ZNF385D: variants seen among roughly 807,000 people sequenced by gnomAD.
ZNF385D encodes zinc finger protein 659.
ZNF385D carries 15 observed loss-of-function variants against 35.8 expected under a neutral mutation model. That is an observed-to-expected ratio of 0.42 (90% CI 0.28 to 0.64). ZNF385D has a LOEUF of 0.64. Ranked by LOEUF, ZNF385D falls within the 30% of genes least tolerant of loss-of-function variation. ZNF385D has a pLI of 0.23. For synonymous variants in ZNF385D, 212 were observed against 186.8 expected (o/e 1.13, Z -1.10); for missense variants, 474 against 494.6 (o/e 0.96, Z 0.39).
intron 1 of ZNF385D, among the ~76,000 whole-genome samples, chr3:21,721,283 G>A (rs1389838444): frequency 1.3e-5 from 2 of 151,914 alleles, no homozygotes; most frequent in African/African-American, 4.8e-5. Context: ...CAGGTAGAAC[G>A]CTGAAGCAGA....
chr3:21,618,708 A>T (rs2064918224), intron 2 of ZNF385D, among the ~76,000 whole-genome samples: 2 of 152,192 alleles, frequency 1.3e-5, no homozygotes, highest in Non-Finnish European at 2.9e-5. Flanking sequence ...GAGTATGTTA[A>T]ATAAGGAAAA....
intron 2 of ZNF385D, among the ~76,000 whole-genome samples, chr3:21,654,934 G>A (rs566734548): frequency 1.3e-5 from 2 of 152,112 alleles, no homozygotes; most frequent in East Asian, 3.9e-4. Flanking sequence ...ATTTACGTTG[G>A]TGGGAGGGAG....
chr3:21,561,189 TATGAAAA>T (rs2062933372), intron 3 of ZNF385D, among the ~76,000 whole-genome samples: 1 of 151,990 alleles, frequency 6.6e-6, no homozygotes, highest in South Asian at 2.1e-4. Flanking sequence ...GCCACTGGGG[TATGAAAA>T]AGAAAACTCC....
chr3:21,939,431 T>C (rs1291242956), intron 3 of ZNF385D, among the ~76,000 whole-genome samples: 1 of 152,086 alleles, frequency 6.6e-6, no homozygotes, highest in Non-Finnish European at 1.5e-5. Flanking sequence ...CTTTTTACCA[T>C]AGAACTCAGA....
rs1312130424 is a variant in ZNF385D, at chr3:21,423,981, C to T, written c.936G>A (p.Lys312=). The T allele has an allele frequency of 6.2e-7, 1 of 1,608,958 alleles. No individual in the cohort carries two copies. Among genetic ancestry groups the T allele is most frequent in the Non-Finnish European group, 8.5e-7 (1 of 1,178,454 alleles). ...CACTCACCCCCAGTGGATGTGCTGTCTTCTGTAGTTTGTTGTAAGGACTGT... is the reference window on the plus strand; with the variant it reads ...CACTCACCCCCAGTGGATGTGCTGTTTTCTGTAGTTTGTTGTAAGGACTGT... ...PKYSPYNKLQ[K]TAHPLGVKLV... Residue 312 remains lysine, a synonymous_variant, in exon 7 of 8, where the codon AAG becomes AAA. Transcript: ENST00000281523.
rs570186030 is a variant in ZNF385D, at chr3:21,948,287, T to C, written c.325+220530A>G. ...ACAAAGCATTCCAATATTGGCTCTA[T>C]GACATAAAATGTAAAAAGCAAATTA... On this transcript the variant is annotated intron_variant, in intron 3 of 5. Transcript: ENST00000494108. Among the ~76,000 whole-genome samples the C allele has an allele frequency of 6.6e-5, 10 of 152,206 alleles. No individual in the cohort carries two copies. The East Asian group carries it at 1.7e-3, about 26-fold the overall frequency.
intron 3 of ZNF385D, among the ~76,000 whole-genome samples, chr3:21,845,987 T>TG (rs1695980743): frequency 6.6e-6 from 1 of 152,044 alleles, no homozygotes; most frequent in Non-Finnish European, 1.5e-5. Flanking sequence ...ATGCTCACCC[T>TG]GAGACCTACG....
intron 2 of ZNF385D, among the ~76,000 whole-genome samples, chr3:21,659,443 A>T (rs933103249): frequency 6.6e-6 from 1 of 152,150 alleles, no homozygotes; most frequent in Admixed American, 6.6e-5. Context: ...TCATAGAAAA[A>T]TGTTGGCCTG....
chr3:21,758,099 G>T (rs1367402086), intron 3 of ZNF385D, among the ~76,000 whole-genome samples: 1 of 152,020 alleles, frequency 6.6e-6, no homozygotes, highest in Non-Finnish European at 1.5e-5. Flanking sequence ...TTTTCCCCAG[G>T]CTTATGTCAA....
At chr3:22,169,475 G>T (rs1225537651) in intron 2 of ZNF385D, among the ~76,000 whole-genome samples, 1 of 152,102 alleles carries the variant, frequency 6.6e-6, no homozygotes, top group African/African-American at 2.4e-5. Flanking sequence ...TAATGAATTA[G>T]ATTATTTTGT....
intron 1 of ZNF385D, among the ~76,000 whole-genome samples, chr3:21,708,897 A>C (rs1473344661): frequency 1.3e-5 from 2 of 152,100 alleles, no homozygotes; most frequent in African/African-American, 4.8e-5. Flanking sequence ...TAACAACAAC[A>C]ATAATATACT....
intron 3 of ZNF385D, among the ~76,000 whole-genome samples, chr3:21,926,991 C>G (rs1700761240): frequency 6.6e-6 from 1 of 152,106 alleles, no homozygotes. Flanking sequence ...AAGGTAGGGT[C>G]TAGTGGGAGG....
chr3:22,074,232 C>G (rs1455619729), intron 3 of ZNF385D, among the ~76,000 whole-genome samples: 2 of 151,872 alleles, frequency 1.3e-5, no homozygotes, highest in African/African-American at 4.8e-5. Context: ...AGAGAAAAGG[C>G]AAAGACAAGC....
At chr3:21,472,746 C>T (rs961769814) in intron 4 of ZNF385D, among the ~76,000 whole-genome samples, 1 of 151,996 alleles carries the variant, frequency 6.6e-6, no homozygotes, top group African/African-American at 2.4e-5. Context: ...TAAGGAGATG[C>T]CTCATCATAG....
chr3:22,033,402 A>AAAC, intron 3 of ZNF385D, among the ~76,000 whole-genome samples: 1 of 139,394 alleles, frequency 7.2e-6, no homozygotes, highest in East Asian at 2.1e-4. Context: ...GCTGGCTCCA[A>AAAC]AATAATAATA....
Position 21,437,126 on chromosome 3 carries a change from T to A in ZNF385D, c.517A>T (p.Ile173Phe). Residue 173 changes from isoleucine (I) to phenylalanine (F), a missense_variant, in exon 5 of 8, where the codon ATC becomes TTC. Ile to Phe is a conservative substitution (Grantham distance 21, BLOSUM62 0). Transcript: ENST00000281523. ...IRKSSVMTTE[I>F]TSKVEKSPTT... ...GGGCTTTTTTCCACTTTAGAGGTGATCTCAGTTGTCATAACACTGCTTTTG... is the reference window on the plus strand; with the variant it reads ...GGGCTTTTTTCCACTTTAGAGGTGAACTCAGTTGTCATAACACTGCTTTTG... 1 of 1,613,996 alleles carries A rather than the reference T, an allele frequency of 6.2e-7. No homozygotes were observed. Among genetic ancestry groups the A allele is most frequent in the Non-Finnish European group, 8.5e-7 (1 of 1,179,902 alleles).
chr3:21,729,789 C>A (rs1364976463), intron 1 of ZNF385D, among the ~76,000 whole-genome samples: 1 of 152,210 alleles, frequency 6.6e-6, no homozygotes, highest in Non-Finnish European at 1.5e-5. Flanking sequence ...ACTAGGCCTA[C>A]AGTTCTAACT....
At chr3:21,787,556 T>G (rs2071744590) in intron 3 of ZNF385D, among the ~76,000 whole-genome samples, 1 of 151,892 alleles carries the variant, frequency 6.6e-6, no homozygotes, top group East Asian at 1.9e-4. Flanking sequence ...ACAGTAAGAT[T>G]CCAGAGAAAG....
rs186920028 is a variant in ZNF385D, at chr3:21,998,534, A to G, written c.325+170283T>C. Among the ~76,000 whole-genome samples the G allele has an allele frequency of 3.8e-3, 586 of 152,314 alleles. 1 individual carries two copies. The highest frequency in any genetic ancestry group is 6.3e-3 in the Non-Finnish European group (431 of 68,020). On this transcript the variant is annotated intron_variant, in intron 3 of 5. Coordinates refer to the ZNF385D transcript ENST00000494108. ...TCCTATGACTTTCTCATCAATAAAC[A>G]TCATAGGAATTTCTTGTTGCAGATA...
Sources: allele counts gnomAD v4.1 joint callset (sites outside exome capture counted in the v4.1 genomes callset), GRCh38; gene constraint gnomAD v4.1.1; transcripts MANE v1.5; gene names NCBI Gene and HGNC (gene_info 2026-07-23, HGNC 2026-07-21).